The following CSDE1 variants were observed in gnomAD, a reference collection of about 807,000 sequenced individuals.
The protein encoded by CSDE1 is cold shock domain-containing protein E1.
A neutral mutation model predicts 89.3 loss-of-function variants in CSDE1; 17 were observed. The ratio of observed to expected loss-of-function variants is 0.19; its 90% CI spans 0.13 to 0.29. The LOEUF is 0.29. Among genes scored for constraint, CSDE1 ranks in the 10% least tolerant of loss-of-function variants. The pLI is 1.00. For synonymous variants in CSDE1, 322 were observed against 332.8 expected (o/e 0.97, Z 0.35); for missense variants, 672 against 984.2 (o/e 0.68, Z 4.24).
Position 114,739,711 on chromosome 1 carries a change from C to T in CSDE1, c.180G>A (p.Leu60=). The part of the protein sequence containing the change: ...FFHCSQYNGN[L]QDLKVGDDVE... The stretch of plus-strand genomic sequence containing the variant: ...GATTACCTCCTACTTTTAAGTCTTG[C>T]AGGTTGCCATTATACTGTGAACAGT... The change falls in exon 3 of 20, where the codon CTG becomes CTA. Residue 60 remains leucine, a synonymous_variant. Transcript: ENST00000358528. The T allele has an allele frequency of 6.2e-7, 1 of 1,608,002 alleles. No individual in the cohort carries two copies. The highest frequency in any genetic ancestry group is 8.5e-7 in the Non-Finnish European group (1 of 1,174,704).
chr1:114,729,335 G>A (rs1218278072), intron 12 of CSDE1, among the ~76,000 whole-genome samples: 23 of 151,672 alleles, frequency 1.5e-4, no homozygotes, highest in Non-Finnish European at 2.9e-5. Context: ...TCCTGACCTC[G>A]TGATCCGCCC....
intron 13 of CSDE1, 63 bp downstream of exon 13, chr1:114,726,920 T>G: frequency 9.0e-7 from 1 of 1,110,924 alleles, no homozygotes; most frequent in Non-Finnish European, 1.4e-6. Context: ...GAACCCATCC[T>G]GCAGGATTTA....
chr1:114,725,613 C>T (rs1041649043), intron 14 of CSDE1, among the ~76,000 whole-genome samples: 1 of 147,014 alleles, frequency 6.8e-6, no homozygotes, highest in East Asian at 2.0e-4. Flanking sequence ...AAAAACTGAA[C>T]TGTCTGGTTC....
Position 114,733,109 on chromosome 1 carries a change from G to A in CSDE1, c.838-293C>T, listed in dbSNP as rs77572080. ...GTGTCCTCACCTTCCCCACAAACTG[G>A]AGGGGTAGGGCAGGGGCAGAGGAGG... On this transcript the variant is annotated intron_variant, in intron 9 of 19. Transcript: ENST00000358528. 6.0e-3 allele frequency among the ~76,000 whole-genome samples: 913 copies of A among 152,276 alleles called. 16 individuals are homozygous for A. Among genetic ancestry groups the A allele is most frequent in the African/African-American group, 0.021 (855 of 41,548 alleles).
intron 2 of CSDE1, among the ~76,000 whole-genome samples, chr1:114,747,122 T>G (rs557685025): frequency 6.6e-6 from 1 of 152,356 alleles, no homozygotes; most frequent in South Asian, 2.1e-4. Flanking sequence ...ATCAAATCAT[T>G]CACCAAACAA....
chr1:114,720,364 C>T lies in CSDE1; in HGVS notation c.2052+175G>A, dbSNP rs186743915. The T allele has an allele frequency of 6.0e-4, 356 of 588,710 alleles. 3 individuals carry two copies. Among genetic ancestry groups the T allele is most frequent in the South Asian group, 1.6e-3 (59 of 37,856 alleles). 36.5% of individuals were successfully genotyped at this position (588,710 alleles called of 1,614,324 possible). On this transcript the variant is annotated intron_variant, in intron 17 of 19. Transcript: ENST00000358528. ...TACTTTCTCATTGCTAATATAGTCA[C>T]TTTTTGTGTAGTTTTCTGTTTTTAT...
chr1:114,732,566 G>A (rs1241387462), intron 10 of CSDE1, 38 bp downstream of exon 10: 4 of 1,583,418 alleles, frequency 2.5e-6, no homozygotes, highest in Non-Finnish European at 3.5e-6. Context: ...ATTGGCTTTC[G>A]CATATTAGAT....
chr1:114,733,439 T>G (rs12724623), intron 9 of CSDE1, among the ~76,000 whole-genome samples: 1 of 148,872 alleles, frequency 6.7e-6, no homozygotes, highest in African/African-American at 2.5e-5. Context: ...GGCAGGAGAA[T>G]CGCTTAAACC....
At chr1:114,745,182 T>G (rs534032721) in intron 2 of CSDE1, among the ~76,000 whole-genome samples, 1 of 152,286 alleles carries the variant, frequency 6.6e-6, no homozygotes, top group Middle Eastern at 3.4e-3. Flanking sequence ...TTTAGCAACA[T>G]GTATCAAAAT....
At chr1:114,718,387 C>A (rs1449710330) in intron 19 of CSDE1, among the ~76,000 whole-genome samples, 171 bp from the exon 20 acceptor site, 1 of 152,252 alleles carries the variant, frequency 6.6e-6, no homozygotes, top group East Asian at 1.9e-4. Context: ...CTGACCCATT[C>A]ATTACCTAAA....
intron 10 of CSDE1, among the ~76,000 whole-genome samples, chr1:114,731,390 T>C (rs140481395): frequency 5.7e-4 from 77 of 134,376 alleles, no homozygotes; most frequent in African/African-American, 1.9e-3. Flanking sequence ...TTTGAAAATG[T>C]AAAAAAAAAA....
chr1:114,724,733 G>GT (rs1242529489), intron 15 of CSDE1, among the ~76,000 whole-genome samples: 2 of 151,802 alleles, frequency 1.3e-5, no homozygotes, highest in Non-Finnish European at 2.9e-5. Flanking sequence ...GGTTATTTTT[G>GT]TTTTTTTCAG....
chr1:114,752,735 CTCAT>C lies in CSDE1; in HGVS notation c.-387-2532_-387-2529del, dbSNP rs1661374293. 2.0e-5 allele frequency among the ~76,000 whole-genome samples: 3 copies of C among 152,348 alleles called. No individual in the cohort carries two copies. In the South Asian group the frequency reaches 6.2e-4, roughly 32 times the overall value. ...AGCCTTTCTTGACCATTCCAGCAGA[CTCAT>C]TCATTAATTCCTACTAATGAATGGG... On this transcript the variant is annotated intron_variant, in intron 1 of 19. Coordinates refer to ENST00000358528, the MANE Select transcript of CSDE1 (RefSeq NM_001007553.3).
chr1:114,757,595 G>A (rs901108593), intron 1 of CSDE1, among the ~76,000 whole-genome samples: 1 of 152,052 alleles, frequency 6.6e-6, no homozygotes, highest in African/African-American at 2.4e-5. Flanking sequence ...CCGCGCCCGA[G>A]CCCCGCACCC....
At chr1:114,722,785 G>A (rs1424121863) in intron 16 of CSDE1, among the ~76,000 whole-genome samples, 1 of 152,184 alleles carries the variant, frequency 6.6e-6, no homozygotes, top group African/African-American at 2.4e-5. Flanking sequence ...CTTTTTAGGG[G>A]TGTGATGTCA....
At chr1:114,744,302 C>A (rs1242532950) in intron 2 of CSDE1, among the ~76,000 whole-genome samples, 1 of 152,060 alleles carries the variant, frequency 6.6e-6, no homozygotes, top group African/African-American at 2.4e-5. Context: ...TAAAAACCAG[C>A]CAGGCTCAGT....
intron 12 of CSDE1, among the ~76,000 whole-genome samples, chr1:114,729,607 A>G (rs992168278): frequency 6.6e-6 from 1 of 152,052 alleles, no homozygotes; most frequent in African/African-American, 2.4e-5. Flanking sequence ...TTACTCTGTG[A>G]AGAATGCTCT....
At position 114,727,024 on chromosome 1, in the gene CSDE1, T is replaced by C; in HGVS notation, c.1423A>G (p.Lys475Glu). 1 of 1,613,882 alleles carries C rather than the reference T, an allele frequency of 6.2e-7. No homozygotes were observed. The highest frequency in any genetic ancestry group is 2.2e-5 in the East Asian group (1 of 44,836). The change falls in exon 13 of 20, where the codon AAG (lysine) becomes GAG (glutamate). Residue 475 changes from lysine (K) to glutamate (E), a missense_variant. Physicochemically the swap from Lys to Glu is moderately conservative, Grantham distance 56 (BLOSUM62 1). Around this residue, in one of 8 missense-constraint regions of CSDE1, gnomAD observed 108 missense variants for 105.0 expected, o/e 1.03. Transcript: ENST00000358528. ...GGAGAAGTAGATCCTTCCACATCCT[T>C]GGCTTGAAAAGCAATAGTCAGTTTC... ...GVKLTIAFQA[K>E]DVEGSTSPQI...
intron 3 of CSDE1, among the ~76,000 whole-genome samples, chr1:114,738,714 A>G (rs914421492): frequency 8.3e-6 from 1 of 121,044 alleles, no homozygotes; most frequent in African/African-American, 3.3e-5. Context: ...CCTGTCACCC[A>G]AGCTGGAGTG....
Sources: allele counts gnomAD v4.1 joint callset (sites outside exome capture counted in the v4.1 genomes callset), GRCh38; gene constraint gnomAD v4.1.1; regional missense constraint gnomAD v4.1.1; transcripts MANE v1.5; gene names NCBI Gene and HGNC (gene_info 2026-07-23, HGNC 2026-07-21).